Variants in PLCL2 observed in about 807,000 individuals in gnomAD.
PLCL2 encodes phospholipase C like 2.
Under a neutral mutation model 79.6 loss-of-function variants are expected in PLCL2, and 4 were observed. The observed-to-expected ratio is 0.05, with a 90% CI of 0.02 to 0.11. The LOEUF (loss-of-function observed/expected upper bound fraction) is 0.11. PLCL2 is among the 10% of genes least tolerant of loss of function. The pLI is 1.00. For synonymous variants in PLCL2, 484 were observed against 457.7 expected (o/e 1.06, Z -0.73); for missense variants, 895 against 1,291.0 (o/e 0.69, Z 4.70).
chr3:17,085,138 G>A (rs1174815325), intron 5 of PLCL2, among the ~76,000 whole-genome samples: 1 of 150,068 alleles, frequency 6.7e-6, no homozygotes, highest in Admixed American at 6.6e-5. Flanking sequence ...CTTTTTTTAA[G>A]AAAAAAAAAA....
At chr3:16,926,746 T>G (rs912991477) in intron 1 of PLCL2, among the ~76,000 whole-genome samples, 11 of 151,970 alleles carry the variant, frequency 7.2e-5, no homozygotes, top group African/African-American at 2.7e-4. Context: ...ATTCTCCTGC[T>G]TCAGCCTCCC....
intron 5 of PLCL2, among the ~76,000 whole-genome samples, chr3:17,087,129 A>G (rs2065228527): frequency 6.6e-6 from 1 of 152,200 alleles, no homozygotes; most frequent in East Asian, 1.9e-4. Flanking sequence ...TACTCTTACC[A>G]TATGATCCAG....
At chr3:16,888,453 C>T (rs1476523608) in intron 1 of PLCL2, among the ~76,000 whole-genome samples, 1 of 152,192 alleles carries the variant, frequency 6.6e-6, no homozygotes, top group East Asian at 1.9e-4. Context: ...GAAATCATCA[C>T]CAGACTTTTC....
At chr3:16,918,700 A>AT (rs1009946293) in intron 1 of PLCL2, among the ~76,000 whole-genome samples, 12 of 152,224 alleles carry the variant, frequency 7.9e-5, no homozygotes, top group Non-Finnish European at 1.8e-4. Context: ...CTAAGCCAGT[A>AT]TAATGACCTG....
intron 1 of PLCL2, among the ~76,000 whole-genome samples, chr3:16,988,670 G>A (rs572186684): frequency 6.6e-6 from 1 of 152,152 alleles, no homozygotes; most frequent in South Asian, 2.1e-4. Flanking sequence ...GTGGCCTTCA[G>A]GAACTACAAA....
At chr3:17,053,202 G>A (rs1216588399) in intron 4 of PLCL2, among the ~76,000 whole-genome samples, 1 of 152,176 alleles carries the variant, frequency 6.6e-6, no homozygotes, top group Non-Finnish European at 1.5e-5. Flanking sequence ...TGTACAGGAA[G>A]CATGATGCTG....
At chr3:17,026,010 G>A (rs752764496) in intron 3 of PLCL2, among the ~76,000 whole-genome samples, 21 of 152,248 alleles carry the variant, frequency 1.4e-4, no homozygotes, top group East Asian at 5.8e-4. Context: ...ACTGTCACTC[G>A]TTAGTTTATT....
In PLCL2 at chr3:16,887,553, G is replaced by A. The variant is rs939723828; in HGVS notation, c.327+2187G>A. 6.6e-6 allele frequency among the ~76,000 whole-genome samples: 1 copy of A among 152,124 alleles called. No individual in the cohort carries two copies. Among genetic ancestry groups the A allele is most frequent in the African/African-American group, 2.4e-5 (1 of 41,420 alleles). ...TAGTGTTGAAAGTTGATCAATACTG[G>A]GTTATAGGAAAGAGAGGATGCTATA... On this transcript the variant is annotated intron_variant, in intron 1 of 5. Transcript: ENST00000615277. This position sits in a 1 kb window ranked among gnomAD's most constrained non-coding sequence, Gnocchi z 4.1.
intron 4 of PLCL2, among the ~76,000 whole-genome samples, chr3:17,045,532 C>A (rs1036916856): frequency 1.1e-4 from 17 of 152,148 alleles, no homozygotes; most frequent in African/African-American, 1.9e-4. Flanking sequence ...TGCATCCCAG[C>A]AGTGGAGGAC....
At chr3:16,958,492 C>T (rs749844940) in intron 1 of PLCL2, among the ~76,000 whole-genome samples, 4 of 152,082 alleles carry the variant, frequency 2.6e-5, no homozygotes, top group Non-Finnish European at 5.9e-5. Context: ...ATTCCATCTG[C>T]TATTTAACTT....
chr3:16,978,709 A>G (rs1220795653), intron 1 of PLCL2, among the ~76,000 whole-genome samples: 1 of 152,232 alleles, frequency 6.6e-6, no homozygotes, highest in Non-Finnish European at 1.5e-5. Context: ...CCATAGAGGC[A>G]CTGGCATGCT....
intron 1 of PLCL2, among the ~76,000 whole-genome samples, chr3:16,964,842 C>T (rs1241632626): frequency 1.3e-5 from 2 of 152,060 alleles, no homozygotes; most frequent in African/African-American, 4.8e-5. Flanking sequence ...CTGTTCATGT[C>T]CTTTGCCCAC....
chr3:16,915,925 T>G (rs1025840655), intron 1 of PLCL2, among the ~76,000 whole-genome samples: 8 of 152,148 alleles, frequency 5.3e-5, no homozygotes, highest in African/African-American at 1.9e-4. Flanking sequence ...ATAAATAACA[T>G]GAAGAAAGTC....
At chr3:16,931,576 T>C (rs1486081658) in intron 1 of PLCL2, among the ~76,000 whole-genome samples, 1 of 152,172 alleles carries the variant, frequency 6.6e-6, no homozygotes, top group African/African-American at 2.4e-5. Flanking sequence ...CTTTAAGGGA[T>C]AGAAAAGAAA....
intron 5 of PLCL2, among the ~76,000 whole-genome samples, chr3:17,080,181 C>T (rs2065147820): frequency 6.6e-6 from 1 of 152,198 alleles, no homozygotes; most frequent in Non-Finnish European, 1.5e-5. Flanking sequence ...ACATCACGCA[C>T]TCTTAAAATG....
chr3:16,941,754 AT>A lies in PLCL2; in HGVS notation c.327+56396del, dbSNP rs201960050. Among the ~76,000 whole-genome samples, 990 of 151,548 alleles carry A rather than the reference AT, an allele frequency of 6.5e-3. 5 individuals are homozygous for A. The highest frequency in any genetic ancestry group is 0.02 in the African/African-American group (822 of 41,320). ...ATCTCTCACCCTGTAATTGTGACCC[AT>A]TTTTTTTAAGTTAAATAAAACCGAA... On this transcript the variant is annotated intron_variant, in intron 1 of 5. Coordinates refer to ENST00000615277, the MANE Select transcript of PLCL2 (RefSeq NM_001144382.2).
intron 1 of PLCL2, among the ~76,000 whole-genome samples, chr3:16,964,946 A>G (rs1341175532): frequency 6.6e-6 from 1 of 152,132 alleles, no homozygotes; most frequent in African/African-American, 2.4e-5. Context: ...GTAGATTGCA[A>G]AAATGTTCTC....
At chr3:16,950,399 G>C (rs1449367809) in intron 1 of PLCL2, among the ~76,000 whole-genome samples, 1 of 151,874 alleles carries the variant, frequency 6.6e-6, no homozygotes, top group Non-Finnish European at 1.5e-5. Flanking sequence ...TTTTTAAATT[G>C]GTGTATTTAA....
intron 1 of PLCL2, among the ~76,000 whole-genome samples, chr3:16,934,840 C>T (rs1484909750): frequency 2.0e-5 from 3 of 152,158 alleles, no homozygotes. Context: ...AGACCCTCAG[C>T]CCTCTGGTTG....
Sources: gnomAD v4.1 joint callset for allele counts (sites outside exome capture counted in the v4.1 genomes callset) on GRCh38, gnomAD v4.1.1 for gene constraint, Gnocchi (gnomAD v3.1) non-coding constraint, MANE v1.5 for transcripts, NCBI Gene and HGNC (gene_info 2026-07-23, HGNC 2026-07-21) for gene names.